HPX: variants seen among roughly 807,000 people sequenced by gnomAD.
HPX encodes the protein hemopexin.
Under a neutral mutation model 53.8 loss-of-function variants are expected in HPX, and 42 were observed. The ratio of observed to expected loss-of-function variants is 0.78; its 90% CI spans 0.61 to 1.01. HPX has a LOEUF of 1.01. HPX is among the 50% of genes least tolerant of loss of function. The pLI, the probability that HPX is intolerant of heterozygous loss-of-function variation, is 0.00. For missense variants in HPX, 547 were observed against 594.3 expected, an observed-to-expected ratio of 0.92 and a Z score of 0.83; for synonymous variants, 229 against 221.1, an observed-to-expected ratio of 1.04 and a Z score of -0.32.
Position 6,437,112 on chromosome 11 carries a change from A to G in HPX, c.769T>C (p.Cys257Arg), listed in dbSNP as rs1849426345. 6.2e-7 allele frequency: 1 copy of G among 1,614,050 alleles called. No homozygotes were observed. Among genetic ancestry groups the G allele is most frequent in the Admixed American group, 1.7e-5 (1 of 60,014 alleles). The stretch of plus-strand genomic sequence containing the variant: ...GCAGACAAGACTAGATGTGGGCTAC[A>G]GCGCATATACTCAGGGCCATGGTGG... Reference protein sequence around the residue: ...STHHGPEYMRCSPHLVLSALT... With the variant: ...STHHGPEYMRRSPHLVLSALT... The change falls in exon 7 of 10, where the codon TGT becomes CGT. Residue 257 changes from cysteine (C) to arginine (R), a missense_variant. Cys to Arg is a radical substitution (Grantham distance 180). Transcript: ENST00000265983.
chr11:6,432,140 A>G (rs979138903), intron 7 of HPX, 123 bp from the exon 8 acceptor site: 16 of 1,056,120 alleles, frequency 1.5e-5, no homozygotes, highest in Middle Eastern at 5.8e-4. Context: ...AAGATGGAAG[A>G]GGCCAGGTGA....
intron 5 of HPX, 67 bp downstream of exon 5, chr11:6,438,289 C>G: frequency 6.7e-7 from 1 of 1,496,046 alleles, no homozygotes; most frequent in Non-Finnish European, 9.2e-7. Flanking sequence ...ACCACTATCA[C>G]CATCACTACT....
Position 6,431,377 on chromosome 11 carries a change from C to G in HPX, c.1223G>C (p.Cys408Ser), listed in dbSNP as rs570034567. The G allele has an allele frequency of 6.2e-7, 1 of 1,614,246 alleles. No individual in the cohort carries two copies. The highest frequency in any genetic ancestry group is 1.7e-5 in the Admixed American group (1 of 60,026). The change falls in exon 10 of 10, where the codon TGT becomes TCT. Residue 408 changes from cysteine to serine, a missense_variant. Coordinates refer to ENST00000265983, the MANE Select transcript of HPX (RefSeq NM_000613.3). Reference sequence around the variant, plus strand: ...GTTAGGGCCAAGGGACTTTTCCATACACAAGGCTCCGTCTACCTTCTCATG... The same window carrying G: ...GTTAGGGCCAAGGGACTTTTCCATAGACAAGGCTCCGTCTACCTTCTCATG... ...WPHEKVDGAL[C>S]MEKSLGPNSC...
chr11:6,440,604 C>T, intron 2 of HPX, 66 bp from the exon 3 acceptor site: 1 of 664,170 alleles, frequency 1.5e-6, no homozygotes, highest in Non-Finnish European at 2.4e-6. Context: ...AAAAAAAAAA[C>T]CAGAAGGTGA....
chr11:6,439,234 C>T (rs1590806006), intron 4 of HPX, among the ~76,000 whole-genome samples: 1 of 152,172 alleles, frequency 6.6e-6, no homozygotes, highest in South Asian at 2.1e-4. Context: ...CATGTAGATT[C>T]GTATGGCTGG....
intron 5 of HPX, chr11:6,437,987 A>G: frequency 2.0e-6 from 1 of 511,876 alleles, no homozygotes; most frequent in Non-Finnish European, 3.5e-6. Flanking sequence ...GAGTGTACAG[A>G]GAATAGCATA....
intron 7 of HPX, 127 bp from the exon 8 acceptor site, chr11:6,432,144 C>CTTCTCATGCCCTGGTGGGGATCT: frequency 9.7e-7 from 1 of 1,033,774 alleles, no homozygotes. Context: ...TGGAAGAGGC[C>CTTCTCATGCCCTGGTGGGGATCT]AGGTGAGAAG....
chr11:6,434,319 A>G (rs183688905), intron 7 of HPX, among the ~76,000 whole-genome samples: 269 of 152,072 alleles, frequency 1.8e-3, no homozygotes, highest in Non-Finnish European at 2.8e-3. Flanking sequence ...CAGGAACCAT[A>G]TTTATTTTAT....
At position 6,431,687 on chromosome 11, in the gene HPX, A is replaced by G. The variant is rs746208372; in HGVS notation, c.1083T>C (p.Asp361=). The G allele has an allele frequency of 4.3e-5, 70 of 1,614,000 alleles. No homozygotes were observed. The highest frequency in any genetic ancestry group is 5.3e-5 in the Non-Finnish European group (63 of 1,180,022). ...TPHGIILDSV[D]AAFICPGSSR... ...AAGACCCAGGGCAGATAAAGGCCGC[A>G]TCCACAGAGTCCAGGATAATCCCAT... is the stretch of plus-strand genomic sequence containing the variant. Residue 361 remains aspartate, a synonymous_variant, in exon 9 of 10, where the codon GAT becomes GAC. Transcript: ENST00000265983.
intron 4 of HPX, 195 bp downstream of exon 4, chr11:6,439,970 C>T: frequency 1.5e-6 from 1 of 665,508 alleles, no homozygotes; most frequent in Non-Finnish European, 2.7e-6. Context: ...GAAGAACAGC[C>T]ACTGGATGGT....
intron 7 of HPX, among the ~76,000 whole-genome samples, chr11:6,434,819 T>G (rs959568092): frequency 2.0e-5 from 3 of 152,100 alleles, no homozygotes; most frequent in African/African-American, 4.8e-5. Context: ...AAAGAGCAAC[T>G]GAGGGAGGTA....
chr11:6,440,763 T>C (rs930981659), intron 1 of HPX, 33 bp from the exon 2 acceptor site: 5 of 1,608,032 alleles, frequency 3.1e-6, no homozygotes, highest in African/African-American at 1.3e-5. Flanking sequence ...CTTGATCCAT[T>C]GGGACCGATC....
At chr11:6,439,952 C>G (rs1013645157) in intron 4 of HPX, 65 of 629,758 alleles carry the variant, frequency 1.0e-4, no homozygotes, top group Non-Finnish European at 1.7e-4. Flanking sequence ...AGAACTAAGA[C>G]TAGGACTGAA....
At chr11:6,434,932 T>A (rs553656657) in intron 7 of HPX, among the ~76,000 whole-genome samples, 2 of 151,964 alleles carry the variant, frequency 1.3e-5, no homozygotes, top group South Asian at 4.2e-4. Flanking sequence ...AGAGAATAGA[T>A]AAAAACCTAT....
In HPX at chr11:6,431,882, C is replaced by T. The variant is rs1010640919; in HGVS notation, c.966+5G>A. 1.2e-6 allele frequency: 2 copies of T among 1,614,026 alleles called. No individual in the cohort carries two copies. The highest frequency in any genetic ancestry group is 1.3e-5 in the African/African-American group (1 of 74,928). ...TCTACCTCAAGCCTCTCCCCCAATACACACCTGGACCAGATAGAGTTTTTC... is the reference window on the plus strand; with the variant it reads ...TCTACCTCAAGCCTCTCCCCCAATATACACCTGGACCAGATAGAGTTTTTC... On this transcript the variant is annotated splice_donor_5th_base_variant and intron_variant, in intron 8 of 9. Transcript: ENST00000265983.
chr11:6,440,890 G>A lies in HPX; in HGVS notation c.74C>T (p.Pro25Leu). The A allele has an allele frequency of 6.2e-7, 1 of 1,613,174 alleles. No homozygotes were observed. ...TCCCAGCTTTACTCACGGAGGAAGA[G>A]GGGTGGCAATGGCCAGAGACCAGCA... The part of the protein sequence containing the change: ...SLCWSLAIAT[P>L]LPPTSAHGNV... Residue 25 changes from proline (P) to leucine (L), a missense_variant, in exon 1 of 10, where the codon CCT (proline) becomes CTT (leucine). Pro to Leu is a moderately conservative substitution (Grantham distance 98). Transcript: ENST00000265983.
At chr11:6,438,607 T>C (rs1334199157) in intron 4 of HPX, 98 bp from the exon 5 acceptor site, 1 of 1,089,710 alleles carries the variant, frequency 9.2e-7, no homozygotes, top group Non-Finnish European at 1.4e-6. Context: ...TACGATATCC[T>C]CCTGTGGCCC....
At position 6,433,281 on chromosome 11, in the gene HPX, AT is replaced by A. The variant is rs547666157; in HGVS notation, c.836-1265del. 3.3e-5 allele frequency among the ~76,000 whole-genome samples: 5 copies of A among 152,088 alleles called. No individual in the cohort carries two copies. The South Asian group carries it at 8.3e-4, about 25-fold the overall frequency. ...AACATTCACCTCCCAGGTTCAAGCGATTCTCCTGCCTCAGCCTCCCAAGTAG... is the reference window on the plus strand; with the variant it reads ...AACATTCACCTCCCAGGTTCAAGCGATCTCCTGCCTCAGCCTCCCAAGTAG... On this transcript the variant is annotated intron_variant, in intron 7 of 9. Transcript: ENST00000265983.
intron 5 of HPX, chr11:6,437,938 C>A: frequency 1.8e-6 from 1 of 546,896 alleles, no homozygotes; most frequent in Non-Finnish European, 3.3e-6. Flanking sequence ...AGAGATGGAA[C>A]CCCAGAGAGA....
Sources: allele counts gnomAD v4.1 joint callset (sites outside exome capture counted in the v4.1 genomes callset), GRCh38; gene constraint gnomAD v4.1.1; transcripts MANE v1.5; gene names NCBI Gene and HGNC (gene_info 2026-07-23, HGNC 2026-07-21).